Variants in CDH6 observed in about 807,000 individuals in gnomAD.
The protein encoded by CDH6 is cadherin-6.
CDH6 carries 31 observed loss-of-function variants against 78.0 expected under a neutral mutation model. The ratio of observed to expected loss-of-function variants is 0.40; its 90% CI spans 0.30 to 0.54. CDH6 has a LOEUF of 0.54. Among genes scored for constraint, CDH6 ranks in the 20% least tolerant of loss-of-function variants. The pLI is 0.56. For missense variants in CDH6, 724 were observed against 975.9 expected, an observed-to-expected ratio of 0.74 and a Z score of 3.44; for synonymous variants, 376 against 368.8, an observed-to-expected ratio of 1.02 and a Z score of -0.23.
At chr5:31,276,804 T>C (rs557390416) in intron 2 of CDH6, among the ~76,000 whole-genome samples, 1 of 152,308 alleles carries the variant, frequency 6.6e-6, no homozygotes, top group African/African-American at 2.4e-5. Context: ...ATTCCTCAAC[T>C]GTTAAATGAA....
At chr5:31,263,259 C>CTTT (rs58797373) in intron 1 of CDH6, among the ~76,000 whole-genome samples, 73 of 127,698 alleles carry the variant, frequency 5.7e-4, no homozygotes, top group South Asian at 2.9e-3. Context: ...GGTCTCTCTT[C>CTTT]TTTTTTTTTT....
intron 1 of CDH6, among the ~76,000 whole-genome samples, chr5:31,240,695 A>G (rs913040777): frequency 6.6e-6 from 1 of 152,218 alleles, no homozygotes; most frequent in African/African-American, 2.4e-5. Context: ...ATTAGAAGAC[A>G]GAGTGCTAGG....
At position 31,272,916 on chromosome 5, in the gene CDH6, A is replaced by T. The variant is rs564262848; in HGVS notation, c.228+5215A>T. ...AAAAATTGATAGGCTGTATTTTTTT[A>T]AAAACATTATGAAAATGTGGGTTCT... is the stretch of plus-strand genomic sequence containing the variant. On this transcript the variant is annotated intron_variant, in intron 2 of 11. Transcript: ENST00000265071. Among the ~76,000 whole-genome samples, 11 of 152,324 alleles carry T rather than the reference A, an allele frequency of 7.2e-5. No individual in the cohort carries two copies. The East Asian group carries it at 1.7e-3, about 24-fold the overall frequency.
At chr5:31,218,452 G>A (rs1740924011) in intron 1 of CDH6, among the ~76,000 whole-genome samples, 1 of 152,126 alleles carries the variant, frequency 6.6e-6, no homozygotes, top group Non-Finnish European at 1.5e-5. Flanking sequence ...ATATGAGAAA[G>A]CACAGGGGTT....
chr5:31,320,715 C>T (rs556929866), intron 11 of CDH6, among the ~76,000 whole-genome samples: 40 of 152,230 alleles, frequency 2.6e-4, no homozygotes, highest in Middle Eastern at 3.4e-3. Context: ...TGGTGGTTCA[C>T]GCCTGTAATC....
At chr5:31,295,379 C>T (rs372395770) in intron 3 of CDH6, among the ~76,000 whole-genome samples, 5 of 152,154 alleles carry the variant, frequency 3.3e-5, no homozygotes, top group African/African-American at 7.2e-5. Context: ...GAAGAATAGT[C>T]TCTTCATCAG....
At chr5:31,302,389 C>A in intron 6 of CDH6, 91 bp downstream of exon 6, 2 of 931,778 alleles carry the variant, frequency 2.1e-6, no homozygotes, top group Non-Finnish European at 3.2e-6. Context: ...CTCACATAAA[C>A]ATTCCTTTAG....
intron 9 of CDH6, 131 bp downstream of exon 9, chr5:31,316,460 C>A: frequency 1.3e-6 from 1 of 744,082 alleles, no homozygotes; most frequent in South Asian, 2.4e-5. Flanking sequence ...GAAATTAATA[C>A]TATAAATAAG....
intron 7 of CDH6, 96 bp from the exon 8 acceptor site, chr5:31,313,222 G>A (rs1738203896): frequency 9.2e-7 from 1 of 1,092,682 alleles, no homozygotes; most frequent in Non-Finnish European, 1.3e-6. Context: ...CAGATACTCT[G>A]GGATATGATG....
intron 1 of CDH6, among the ~76,000 whole-genome samples, chr5:31,242,811 C>T (rs1211341328): frequency 1.3e-5 from 2 of 150,488 alleles, no homozygotes; most frequent in Non-Finnish European, 2.9e-5. Flanking sequence ...CACTTGAGCT[C>T]AGGAGCTTGC....
intron 1 of CDH6, chr5:31,250,162 C>A (rs1741869760): frequency 6.6e-6 from 1 of 152,274 alleles, no homozygotes; most frequent in Admixed American, 6.5e-5. Flanking sequence ...GATATGGTTT[C>A]ATAACCAAAG....
intron 1 of CDH6, among the ~76,000 whole-genome samples, chr5:31,247,813 A>C (rs2149922816): frequency 6.6e-6 from 1 of 152,318 alleles, no homozygotes; most frequent in East Asian, 1.9e-4. Context: ...TGTTCTTAGC[A>C]GTTTTCCAGG....
intron 1 of CDH6, among the ~76,000 whole-genome samples, chr5:31,225,271 T>C (rs1741119719): frequency 6.6e-6 from 1 of 152,210 alleles, no homozygotes; most frequent in African/African-American, 2.4e-5. Flanking sequence ...TAGAAGACAC[T>C]GCATCAACGC....
intron 1 of CDH6, among the ~76,000 whole-genome samples, chr5:31,207,067 G>A (rs182383241): frequency 1.3e-5 from 2 of 152,004 alleles, no homozygotes. Flanking sequence ...TACACAAGAA[G>A]ACTAGTTAAA....
chr5:31,240,892 A>C (rs532488053), intron 1 of CDH6, among the ~76,000 whole-genome samples: 1 of 152,274 alleles, frequency 6.6e-6, no homozygotes, highest in Admixed American at 6.5e-5. Flanking sequence ...CCCTATCCAT[A>C]ACAACTTGGA....
At chr5:31,280,762 G>A (rs1054019216) in intron 2 of CDH6, among the ~76,000 whole-genome samples, 2 of 151,980 alleles carry the variant, frequency 1.3e-5, no homozygotes, top group Non-Finnish European at 1.5e-5. Context: ...GAGGAGGAGG[G>A]GGAGAAGGAG....
chr5:31,301,444 T>TA (rs1737760330), intron 5 of CDH6, among the ~76,000 whole-genome samples: 1 of 152,214 alleles, frequency 6.6e-6, no homozygotes, highest in Non-Finnish European at 1.5e-5. Flanking sequence ...CATATTTTTT[T>TA]TAAAAAGTGT....
intron 7 of CDH6, among the ~76,000 whole-genome samples, chr5:31,310,239 A>G (rs1276363766): frequency 6.6e-6 from 1 of 152,256 alleles, no homozygotes; most frequent in Non-Finnish European, 1.5e-5. Flanking sequence ...CCCATGCAAG[A>G]CTGAAATCCA....
chr5:31,307,355 G>A (rs1463280233), intron 7 of CDH6, among the ~76,000 whole-genome samples: 1 of 152,190 alleles, frequency 6.6e-6, no homozygotes, highest in Non-Finnish European at 1.5e-5. Flanking sequence ...TTGTTCAAAT[G>A]AAACCTTATG....
Sources: gnomAD v4.1 joint callset for allele counts (sites outside exome capture counted in the v4.1 genomes callset) on GRCh38, gnomAD v4.1.1 for gene constraint, MANE v1.5 for transcripts, NCBI Gene and HGNC (gene_info 2026-07-23, HGNC 2026-07-21) for gene names.